The following MPHOSPH8 variants were observed in gnomAD, a reference collection of about 807,000 sequenced individuals.
MPHOSPH8 encodes the protein M-phase phosphoprotein 8.
Under a neutral mutation model 87.3 loss-of-function variants are expected in MPHOSPH8, and 45 were observed. The observed-to-expected ratio is 0.52, with a 90% confidence interval of 0.41 to 0.66. MPHOSPH8 has a LOEUF of 0.66. Among genes scored for constraint, MPHOSPH8 ranks in the 30% least tolerant of loss-of-function variants. MPHOSPH8 has a pLI of 0.00. For missense variants in MPHOSPH8, 883 were observed against 1,020.2 expected (o/e 0.87, Z 1.83); for synonymous variants, 366 against 376.9 (o/e 0.97, Z 0.33).
chr13:19,642,546 A>G (rs538456351), intron 2 of MPHOSPH8, among the ~76,000 whole-genome samples: 58 of 152,326 alleles, frequency 3.8e-4, no homozygotes, highest in African/African-American at 1.3e-3. Context: ...AGGTGGAGAA[A>G]AAAGAGACAT....
At chr13:19,670,817 TCA>T in intron 12 of MPHOSPH8, 1 of 1,140,688 alleles carries the variant, frequency 8.8e-7, no homozygotes, top group Admixed American at 4.2e-5. Context: ...GAAAAATAAA[TCA>T]CTTTTTTTTT....
intron 3 of MPHOSPH8, among the ~76,000 whole-genome samples, chr13:19,648,148 A>G (rs1051932664): frequency 5.3e-5 from 8 of 151,740 alleles, no homozygotes; most frequent in African/African-American, 1.9e-4. Context: ...AAACTTTCTT[A>G]TAATTTTCTT....
intron 9 of MPHOSPH8, among the ~76,000 whole-genome samples, chr13:19,664,175 T>C (rs1875697450): frequency 6.6e-6 from 1 of 152,214 alleles, no homozygotes; most frequent in Non-Finnish European, 1.5e-5. Context: ...AAGGTCTCAC[T>C]GTGTTGCCCA....
At chr13:19,663,973 T>C (rs1446545053) in intron 9 of MPHOSPH8, among the ~76,000 whole-genome samples, 3 of 152,226 alleles carry the variant, frequency 2.0e-5, no homozygotes, top group Non-Finnish European at 4.4e-5. Flanking sequence ...CTGGACCACC[T>C]GTCCCTTGTC....
At chr13:19,657,617 A>G (rs532358696) in intron 5 of MPHOSPH8, among the ~76,000 whole-genome samples, 2 of 152,212 alleles carry the variant, frequency 1.3e-5, no homozygotes, top group Non-Finnish European at 2.9e-5. Context: ...GGCAAGACCC[A>G]CACTTGTCAG....
At chr13:19,671,541 C>G (rs1876125639) in intron 13 of MPHOSPH8, among the ~76,000 whole-genome samples, 1 of 152,204 alleles carries the variant, frequency 6.6e-6, no homozygotes, top group Admixed American at 6.5e-5. Context: ...GAATCATGAT[C>G]TAGGCCTTGG....
rs931833250 is a variant in MPHOSPH8 at position 19,666,188 on chromosome 13, G to A, written c.2020-237G>A. On this transcript the variant is annotated intron_variant, in intron 9 of 13. Transcript: ENST00000361479. Reference sequence around the variant, plus strand: ...AAAACTCAGTGCTAAGATATTAACTGAATGTAGCACACAGATTTTTATGTT... The same window carrying A: ...AAAACTCAGTGCTAAGATATTAACTAAATGTAGCACACAGATTTTTATGTT... 3.9e-5 allele frequency among the ~76,000 whole-genome samples: 6 copies of A among 152,202 alleles called. 1 individual carries two copies. The highest frequency in any genetic ancestry group is 5.9e-5 in the Non-Finnish European group (4 of 68,028).
At chr13:19,638,925 A>G (rs1250899387) in intron 1 of MPHOSPH8, among the ~76,000 whole-genome samples, 1 of 151,258 alleles carries the variant, frequency 6.6e-6, no homozygotes, top group African/African-American at 2.4e-5. Flanking sequence ...TCTACTAAAA[A>G]TACAAAAATT....
intron 7 of MPHOSPH8, among the ~76,000 whole-genome samples, chr13:19,660,136 A>AT (rs568591119): frequency 0.12 from 16,801 of 135,172 alleles, 1,045 homozygotes; most frequent in Middle Eastern, 0.15. Context: ...AATTTTTTGT[A>AT]TTTTTTTTTT....
chr13:19,638,899 A>G (rs981144965), intron 1 of MPHOSPH8, among the ~76,000 whole-genome samples: 1 of 151,754 alleles, frequency 6.6e-6, no homozygotes, highest in East Asian at 2.0e-4. Flanking sequence ...CCTGGCCAAC[A>G]TGGTGAAACC....
chr13:19,654,668 G>C (rs964117896), intron 5 of MPHOSPH8, among the ~76,000 whole-genome samples: 4 of 152,142 alleles, frequency 2.6e-5, no homozygotes, highest in African/African-American at 9.7e-5. Context: ...ATAAGAAAAG[G>C]CCGGGCGCAG....
At chr13:19,669,627 A>C (rs1412064323) in intron 11 of MPHOSPH8, among the ~76,000 whole-genome samples, 1 of 150,580 alleles carries the variant, frequency 6.6e-6, no homozygotes, top group Non-Finnish European at 1.5e-5. Flanking sequence ...TCCTGCCTCA[A>C]CCTCCCGAGT....
intron 5 of MPHOSPH8, among the ~76,000 whole-genome samples, chr13:19,652,841 C>T (rs955790807): frequency 5.3e-5 from 8 of 151,980 alleles, no homozygotes; most frequent in African/African-American, 1.9e-4. Flanking sequence ...AGGAGCGCAC[C>T]GTAGCTCAGC....
In MPHOSPH8 at chr13:19,668,404, A is replaced by C; in HGVS notation, c.2202A>C (p.Ile734=). Residue 734 remains isoleucine, a synonymous_variant, in exon 11 of 14, where the codon ATA becomes ATC. Coordinates refer to ENST00000361479, the MANE Select transcript of MPHOSPH8 (RefSeq NM_017520.4). ...TTTCAAGAGTAGCAGAAGAGACAAT[A>C]AAGGATTACTTTGAAGCTCGCCTTG... ...ETLSRVAEET[I]KDYFEARLAL... is the part of the protein sequence containing the mutation. 6.2e-7 allele frequency: 1 copy of C among 1,614,074 alleles called. No homozygotes were observed. Among genetic ancestry groups the C allele is most frequent in the Non-Finnish European group, 8.5e-7 (1 of 1,179,946 alleles).
At chr13:19,670,758 C>A in intron 12 of MPHOSPH8, 2 of 1,193,958 alleles carry the variant, frequency 1.7e-6, no homozygotes, top group Non-Finnish European at 2.1e-6. Context: ...CATTCTAATC[C>A]AGTTTCCCAG....
intron 2 of MPHOSPH8, among the ~76,000 whole-genome samples, chr13:19,642,696 A>C (rs1046068791): frequency 2.0e-5 from 3 of 152,152 alleles, no homozygotes; most frequent in Non-Finnish European, 2.9e-5. Context: ...AAAAAAAAAA[A>C]AAACAACTTA....
intron 5 of MPHOSPH8, among the ~76,000 whole-genome samples, chr13:19,652,168 C>T (rs1442365216): frequency 6.6e-6 from 1 of 152,162 alleles, no homozygotes; most frequent in Non-Finnish European, 1.5e-5. Context: ...AGCTCCGTTC[C>T]GCAATTCTCA....
chr13:19,647,267 C>T lies in MPHOSPH8; in HGVS notation c.1194C>T (p.Leu398=). The T allele has an allele frequency of 6.2e-7, 1 of 1,607,038 alleles. No individual in the cohort carries two copies. Among genetic ancestry groups the T allele is most frequent in the Non-Finnish European group, 8.5e-7 (1 of 1,178,050 alleles). ...GRRLSGEERG[L]WSTDSAEEDK... ...GGTTGAGCGGGGAAGAGAGAGGCCT[C>T]TGGTCCACGGACTCAGCCGAGGAGG... The change falls in exon 3 of 14, where the codon CTC becomes CTT. Residue 398 remains leucine, a synonymous_variant. Coordinates refer to ENST00000361479, the MANE Select transcript of MPHOSPH8 (RefSeq NM_017520.4).
chr13:19,651,110 T>C (rs1362072209), intron 5 of MPHOSPH8, among the ~76,000 whole-genome samples: 1 of 152,190 alleles, frequency 6.6e-6, no homozygotes, highest in East Asian at 1.9e-4. Context: ...TGGTTTTCTA[T>C]AAAATAAGCC....
Sources: gnomAD v4.1 joint callset for allele counts (sites outside exome capture counted in the v4.1 genomes callset) on GRCh38, gnomAD v4.1.1 for gene constraint, MANE v1.5 for transcripts, NCBI Gene and HGNC (gene_info 2026-07-23, HGNC 2026-07-21) for gene names.